The following LTBP1 variants were observed in gnomAD, a reference collection of about 807,000 sequenced individuals.
The protein encoded by LTBP1 is latent transforming growth factor beta binding protein 1.
In LTBP1, 129 loss-of-function variants were observed where a neutral mutation model predicts 207.6. That is an observed-to-expected ratio of 0.62 (90% CI 0.54 to 0.72). The LOEUF is 0.72. Among genes scored for constraint, LTBP1 ranks in the 30% least tolerant of loss-of-function variants. The probability of loss-of-function intolerance (pLI) is 0.00; values close to 1 mark genes in which losing one functional copy is unlikely to be tolerated. For synonymous variants in LTBP1, 963 were observed against 833.7 expected (o/e 1.16, Z -2.67); for missense variants, 2,281 against 2,217.2 (o/e 1.03, Z -0.58).
chr2:33,230,410 G>A (rs1237429521), intron 9 of LTBP1, among the ~76,000 whole-genome samples: 1 of 152,034 alleles, frequency 6.6e-6, no homozygotes. Context: ...CTTTTCAAAG[G>A]GATGATTTAT....
At chr2:32,968,285 A>G (rs1680300569) in intron 2 of LTBP1, among the ~76,000 whole-genome samples, 1 of 152,076 alleles carries the variant, frequency 6.6e-6, no homozygotes, top group Admixed American at 6.6e-5. Context: ...TTTTTGCCTT[A>G]TGTATTTGGT....
At chr2:33,238,111 A>T (rs1465744311) in intron 9 of LTBP1, among the ~76,000 whole-genome samples, 2 of 151,714 alleles carry the variant, frequency 1.3e-5, no homozygotes, top group Admixed American at 6.6e-5. Flanking sequence ...AAGTATTTGT[A>T]TTAAGAGGTA....
At chr2:33,107,431 A>G (rs1164533936) in intron 3 of LTBP1, among the ~76,000 whole-genome samples, 1 of 152,058 alleles carries the variant, frequency 6.6e-6, no homozygotes, top group African/African-American at 2.4e-5. Flanking sequence ...ATGATATGAA[A>G]CATATTTATT....
intron 7 of LTBP1, among the ~76,000 whole-genome samples, chr2:33,191,853 C>T (rs532064202): frequency 6.6e-6 from 1 of 152,270 alleles, no homozygotes; most frequent in African/African-American, 2.4e-5. Context: ...TTATATGTTG[C>T]TATGAGAGGT....
At chr2:33,066,705 A>G (rs1040675607) in intron 3 of LTBP1, among the ~76,000 whole-genome samples, 1 of 152,216 alleles carries the variant, frequency 6.6e-6, no homozygotes, top group Admixed American at 6.5e-5. Context: ...AAAGTTAGAA[A>G]ATTTAAAATC....
intron 5 of LTBP1, among the ~76,000 whole-genome samples, chr2:33,174,092 G>T (rs1175115429): frequency 1.4e-5 from 2 of 147,148 alleles, no homozygotes; most frequent in African/African-American, 2.5e-5. Flanking sequence ...TTGAAAAGTG[G>T]CACAAGACAG....
intron 24 of LTBP1, among the ~76,000 whole-genome samples, chr2:33,337,716 A>G (rs2094569119): frequency 6.6e-6 from 1 of 152,208 alleles, no homozygotes; most frequent in South Asian, 2.1e-4. Context: ...ACAGATCACT[A>G]AGCAAAATTG....
intron 5 of LTBP1, among the ~76,000 whole-genome samples, chr2:33,170,107 C>A (rs1383188023): frequency 6.6e-6 from 1 of 152,188 alleles, no homozygotes; most frequent in African/African-American, 2.4e-5. Flanking sequence ...GCATTTCCAT[C>A]TGAGGTACCG....
intron 11 of LTBP1, among the ~76,000 whole-genome samples, chr2:33,254,648 C>T (rs1229979565): frequency 2.1e-5 from 3 of 142,138 alleles, no homozygotes; most frequent in African/African-American, 8.0e-5. Flanking sequence ...GCACAGCATG[C>T]ATGTTGGTTA....
intron 7 of LTBP1, among the ~76,000 whole-genome samples, chr2:33,195,128 A>T (rs1023748825): frequency 1.3e-5 from 2 of 152,190 alleles, no homozygotes; most frequent in African/African-American, 4.8e-5. Flanking sequence ...TCTAATGGAG[A>T]TGTACAAAAA....
chr2:33,322,134 CTTT>C (rs11332508), intron 24 of LTBP1, among the ~76,000 whole-genome samples: 13 of 148,222 alleles, frequency 8.8e-5, no homozygotes, highest in Admixed American at 6.7e-5. Flanking sequence ...CTTCCTAAGC[CTTT>C]TTTTTTTTTT....
intron 9 of LTBP1, among the ~76,000 whole-genome samples, chr2:33,226,226 G>T (rs984182411): frequency 1.3e-5 from 2 of 152,138 alleles, no homozygotes; most frequent in Non-Finnish European, 2.9e-5. Flanking sequence ...ATTTCAGTCT[G>T]TGTTTTTTTA....
chr2:33,270,810 C>T (rs529475057), intron 15 of LTBP1, among the ~76,000 whole-genome samples: 3 of 152,148 alleles, frequency 2.0e-5, no homozygotes, highest in African/African-American at 7.2e-5. Flanking sequence ...GTAACGTGAT[C>T]CTGACAGACA....
intron 3 of LTBP1, among the ~76,000 whole-genome samples, chr2:33,072,758 C>T (rs1362511333): frequency 2.6e-5 from 4 of 152,128 alleles, no homozygotes; most frequent in South Asian, 4.1e-4. Flanking sequence ...CATAGTATCA[C>T]GCAAGTACTC....
intron 2 of LTBP1, among the ~76,000 whole-genome samples, chr2:33,014,536 C>G (rs1468468643): frequency 6.6e-6 from 1 of 152,184 alleles, no homozygotes; most frequent in East Asian, 1.9e-4. Context: ...ACATTTCTCC[C>G]CAGGACACAT....
intron 26 of LTBP1, among the ~76,000 whole-genome samples, chr2:33,356,087 G>A (rs2094855246): frequency 6.6e-6 from 1 of 151,828 alleles, no homozygotes; most frequent in African/African-American, 2.4e-5. Context: ...TATTTCCAAG[G>A]AAGAAGGCTT....
intron 31 of LTBP1, among the ~76,000 whole-genome samples, chr2:33,385,620 T>G (rs1362776251): frequency 6.6e-6 from 1 of 152,214 alleles, no homozygotes; most frequent in Non-Finnish European, 1.5e-5. Context: ...CCAAAACTGC[T>G]AAGCTGGGAA....
chr2:33,252,467 A>T (rs1030465577), intron 10 of LTBP1, among the ~76,000 whole-genome samples: 1 of 152,200 alleles, frequency 6.6e-6, no homozygotes, highest in East Asian at 1.9e-4. Flanking sequence ...AGGGACAGGG[A>T]CAATCACTGT....
At chr2:33,043,700 A>G (rs572296167) in intron 3 of LTBP1, among the ~76,000 whole-genome samples, 2 of 152,224 alleles carry the variant, frequency 1.3e-5, no homozygotes, top group Non-Finnish European at 2.9e-5. Flanking sequence ...CATGTTTTAC[A>G]TGAAGTATTC....
Sources: gnomAD v4.1 joint callset for allele counts (sites outside exome capture counted in the v4.1 genomes callset) on GRCh38, gnomAD v4.1.1 for gene constraint, MANE v1.5 for transcripts, NCBI Gene and HGNC (gene_info 2026-07-23, HGNC 2026-07-21) for gene names.